ATP13A4: variants seen among roughly 807,000 people sequenced by gnomAD.
ATP13A4 encodes the protein probable cation-transporting ATPase 13A4.
A neutral mutation model predicts 142.5 loss-of-function variants in ATP13A4; 114 were observed. That is an observed-to-expected ratio of 0.80 (90% CI 0.69 to 0.93). ATP13A4 has a LOEUF of 0.93. ATP13A4 is among the 40% of genes least tolerant of loss of function. The probability of loss-of-function intolerance (pLI) is 0.00; values close to 1 mark genes in which losing one functional copy is unlikely to be tolerated. For missense variants in ATP13A4, 1,392 were observed against 1,454.0 expected (o/e 0.96, Z 0.69); for synonymous variants, 488 against 514.8 (o/e 0.95, Z 0.70).
chr3:193,573,308 C>CTTATATATATATATATATGTGTATATAT (rs1229145689), intron 2 of ATP13A4, among the ~76,000 whole-genome samples: 3 of 103,658 alleles, frequency 2.9e-5, no homozygotes, highest in African/African-American at 1.4e-4. Context: ...TATATATATA[C>CTTATATATATATATATATGTGTATATAT]ATATATATAT....
At position 193,419,325 on chromosome 3, in the gene ATP13A4, C is replaced by T. The variant is rs116005531; in HGVS notation, c.2843-4575G>A. Among the ~76,000 whole-genome samples the T allele has an allele frequency of 4.6e-3, 685 of 150,262 alleles. 40 individuals are homozygous for T. The highest frequency in any genetic ancestry group is 0.015 in the African/African-American group (632 of 40,870). ...CCCTGCCCCTTGGAGCTTGAGATGA[C>T]GCTGTGCACTGCCTCCTGAAGAAAC... On this transcript the variant is annotated intron_variant, in intron 25 of 29. Transcript: ENST00000342695.
rs147246640 is a variant in ATP13A4 at position 193,568,808 on chromosome 3, C to T, written n.291+12899G>A. ...GGTACAAGAGAAACTGAAGGAGCTC[C>T]CAATGGCCAAAGTTGGAACCATTTG... On this transcript the variant is annotated intron_variant and non_coding_transcript_variant, in intron 2 of 3. Coordinates refer to the ATP13A4 transcript ENST00000489140. Among the ~76,000 whole-genome samples, 687 of 152,174 alleles carry T rather than the reference C, an allele frequency of 4.5e-3. 4 individuals carry two copies. Among genetic ancestry groups the T allele is most frequent in the African/African-American group, 0.016 (658 of 41,504 alleles).
intron 5 of ATP13A4, 117 bp downstream of exon 5, chr3:193,492,800 T>C (rs942377196): frequency 1.3e-6 from 1 of 788,910 alleles, no homozygotes; most frequent in Non-Finnish European, 2.1e-6. Context: ...TAATACTAAA[T>C]AGAGCATTAT....
At chr3:193,441,350 G>A in intron 20 of ATP13A4, 116 bp downstream of exon 20, 1 of 1,306,462 alleles carries the variant, frequency 7.7e-7, no homozygotes, top group Non-Finnish European at 1.1e-6. Context: ...TTAAGATACA[G>A]AAAACTCACT....
At chr3:193,490,613 G>T (rs547366335) in intron 6 of ATP13A4, among the ~76,000 whole-genome samples, 2 of 152,272 alleles carry the variant, frequency 1.3e-5, no homozygotes, top group South Asian at 4.1e-4. Flanking sequence ...CCCCCTAGCT[G>T]GTTTCCCTCT....
chr3:193,402,847 A>AT lies in ATP13A4; in HGVS notation c.3395dup (p.Asn1132LysfsTer9), dbSNP rs776417426. On this transcript the variant is annotated frameshift_variant, in exon 30 of 30. Coordinates refer to ENST00000342695, the MANE Select transcript of ATP13A4 (RefSeq NM_032279.4). LOFTEE classifies it high-confidence loss of function. The stretch of plus-strand genomic sequence containing the variant: ...TTTTAATCATCATCCACAGGGCTCG[A>AT]TTTTCAATAACAGCCTCCTGCAAAA... 6.2e-7 allele frequency: 1 copy of AT among 1,614,006 alleles called. No homozygotes were observed. Among genetic ancestry groups the AT allele is most frequent in the Non-Finnish European group, 8.5e-7 (1 of 1,179,964 alleles).
intron 8 of ATP13A4, among the ~76,000 whole-genome samples, chr3:193,479,349 G>A (rs1182260334): frequency 1.3e-5 from 2 of 152,114 alleles, no homozygotes; most frequent in Non-Finnish European, 2.9e-5. Flanking sequence ...TCGATGATAT[G>A]ATAGTATACC....
At chr3:193,403,962 G>A in intron 29 of ATP13A4, 1 of 985,308 alleles carries the variant, frequency 1.0e-6, no homozygotes, top group Non-Finnish European at 1.2e-6. Flanking sequence ...TTGCCATTTA[G>A]GTTCCACTGC....
chr3:193,535,488 A>G (rs776959921), intron 1 of ATP13A4, among the ~76,000 whole-genome samples: 1 of 152,164 alleles, frequency 6.6e-6, no homozygotes, highest in Non-Finnish European at 1.5e-5. Flanking sequence ...CATTAAATTG[A>G]ATGAAAACAA....
chr3:193,489,370 A>G (rs927307688), intron 7 of ATP13A4, among the ~76,000 whole-genome samples: 4 of 152,214 alleles, frequency 2.6e-5, no homozygotes, highest in African/African-American at 9.6e-5. Context: ...AGGAGTTCAT[A>G]TTAAATAGAC....
chr3:193,443,672 T>C (rs1210904271), intron 18 of ATP13A4, among the ~76,000 whole-genome samples: 4 of 152,172 alleles, frequency 2.6e-5, no homozygotes. Context: ...ATAGCCTAGA[T>C]GTTGGAAGTA....
At chr3:193,452,044 C>A (rs1262660911) in intron 17 of ATP13A4, among the ~76,000 whole-genome samples, 1 of 152,184 alleles carries the variant, frequency 6.6e-6, no homozygotes, top group Non-Finnish European at 1.5e-5. Flanking sequence ...CGCGCCACAG[C>A]CCTCACTATT....
chr3:193,588,035 A>G (rs1016655306), intron 1 of ATP13A4, among the ~76,000 whole-genome samples: 5 of 152,118 alleles, frequency 3.3e-5, no homozygotes, highest in Non-Finnish European at 2.9e-5. Flanking sequence ...TAAGAGGCTG[A>G]AAAGGGCAGA....
In ATP13A4 at chr3:193,577,117, T is replaced by C. The variant is rs186694610; in HGVS notation, n.291+4590A>G. ...CTCCTAAGAGGCCTCCTGGTTTTAGTCTTCCACCTATAACCAACACCACAT... is the reference window on the plus strand; with the variant it reads ...CTCCTAAGAGGCCTCCTGGTTTTAGCCTTCCACCTATAACCAACACCACAT... On this transcript the variant is annotated intron_variant and non_coding_transcript_variant, in intron 2 of 3. Transcript: ENST00000489140. Among the ~76,000 whole-genome samples, 3 of 152,342 alleles carry C rather than the reference T, an allele frequency of 2.0e-5. No individual in the cohort carries two copies. The East Asian group carries it at 5.8e-4, about 29-fold the overall frequency.
chr3:193,418,200 C>T lies in ATP13A4; in HGVS notation c.2843-3450G>A, dbSNP rs561681677. Among the ~76,000 whole-genome samples, 61 of 138,376 alleles carry T rather than the reference C, an allele frequency of 4.4e-4. 1 individual carries two copies. In the Middle Eastern group the frequency reaches 0.011, roughly 25 times the overall value. The allele number at this position is 138,376 out of a possible 152,430, so 90.8% of individuals were successfully genotyped here. A position where few individuals can be genotyped will look rare whatever the true frequency, so the allele number is the denominator to read the frequency against. ...GGCGAGGTGGCGGGCACCTGTAGTC[C>T]CAGCTACTCAGGAGGCTGAGGCAGG... On this transcript the variant is annotated intron_variant, in intron 25 of 29. Transcript: ENST00000342695.
chr3:193,538,942 T>C (rs1408293827), intron 1 of ATP13A4, among the ~76,000 whole-genome samples: 3 of 147,224 alleles, frequency 2.0e-5, no homozygotes, highest in Admixed American at 6.9e-5. Context: ...TGCCCCAAGC[T>C]GGAGCACGGC....
intron 1 of ATP13A4, among the ~76,000 whole-genome samples, chr3:193,546,209 C>A (rs1412804319): frequency 6.6e-6 from 1 of 152,104 alleles, no homozygotes; most frequent in African/African-American, 2.4e-5. Context: ...AGGAAACCCA[C>A]CCTCAGGACT....
chr3:193,575,937 A>G (rs1346255232), intron 2 of ATP13A4, among the ~76,000 whole-genome samples: 1 of 152,172 alleles, frequency 6.6e-6, no homozygotes, highest in African/African-American at 2.4e-5. Flanking sequence ...GTAATTTCCT[A>G]AGGCACTTTT....
At chr3:193,424,861 G>T (rs533211449) in intron 25 of ATP13A4, among the ~76,000 whole-genome samples, 1 of 149,152 alleles carries the variant, frequency 6.7e-6, no homozygotes. Context: ...GCACAACAAA[G>T]GAAACAGTTA....
Sources: gnomAD v4.1 joint callset for allele counts (sites outside exome capture counted in the v4.1 genomes callset) on GRCh38, gnomAD v4.1.1 for gene constraint, MANE v1.5 for transcripts, NCBI Gene and HGNC (gene_info 2026-07-23, HGNC 2026-07-21) for gene names.